STK24: variants seen among roughly 807,000 people sequenced by gnomAD.
The protein encoded by STK24 is serine/threonine-protein kinase 24.
In STK24, 21 loss-of-function variants were observed where a neutral mutation model predicts 55.6. The ratio of observed to expected loss-of-function variants is 0.38; its 90% CI spans 0.27 to 0.54. The LOEUF is 0.54. Ranked by LOEUF, STK24 falls within the 20% of genes least tolerant of loss-of-function variation. STK24 has a pLI of 0.79. For missense variants in STK24, 383 were observed against 538.4 expected, an observed-to-expected ratio of 0.71 and a Z score of 2.86; for synonymous variants, 200 against 215.2, an observed-to-expected ratio of 0.93 and a Z score of 0.62.
rs531432060 is a variant in STK24 at position 98,448,275 on chromosome 13, G to T, written c.*4898C>A. ...TCCGCAGTGCCACCAGCTCTGCCTC[G>T]CGACCCCACGTGTTGAGTCACAAAG... On this transcript the variant is annotated 3_prime_UTR_variant, in exon 11 of 11. Transcript: ENST00000539966. 2.5e-6 allele frequency: 4 copies of T among 1,614,112 alleles called. No homozygotes were observed. The African/African-American group carries it at 5.3e-5, about 22-fold the overall frequency.
intron 1 of STK24, among the ~76,000 whole-genome samples, chr13:98,527,077 CTTTTGG>C (rs1896450762): frequency 6.6e-6 from 1 of 152,162 alleles, no homozygotes; most frequent in Non-Finnish European, 1.5e-5. Context: ...CATCGGCATC[CTTTTGG>C]AGTTTATTTC....
rs1400122531 is a variant in STK24, at chr13:98,466,383, G to A, written c.776C>T (p.Pro259Leu). 10 of 1,611,972 alleles carry A rather than the reference G, an allele frequency of 6.2e-6. No individual in the cohort carries two copies. Among genetic ancestry groups the A allele is most frequent in the Non-Finnish European group, 8.5e-6 (10 of 1,179,960 alleles). ...EFVEACLNKE[P>L]SFRPTAKELL... is the part of the protein sequence containing the mutation. Reference sequence around the variant, plus strand: ...GATCCCTGGGAAACTTACAAAGCTCGGCTCCTTATTCAAACAGGCCTCCAC... The same window carrying A: ...GATCCCTGGGAAACTTACAAAGCTCAGCTCCTTATTCAAACAGGCCTCCAC... Residue 259 changes from proline to leucine, a missense_variant, in exon 6 of 11, where the codon CCG becomes CTG. Physicochemically the swap from Pro to Leu is moderately conservative, Grantham distance 98. Coordinates refer to ENST00000539966, the MANE Select transcript of STK24 (RefSeq NM_001032296.4).
intron 9 of STK24, among the ~76,000 whole-genome samples, chr13:98,457,750 G>A (rs1302062097): frequency 1.3e-5 from 2 of 152,160 alleles, no homozygotes; most frequent in African/African-American, 4.8e-5. Flanking sequence ...GATTACAGGC[G>A]TGAGCCACTG....
chr13:98,478,347 A>G (rs1894462081), intron 3 of STK24, among the ~76,000 whole-genome samples: 1 of 152,264 alleles, frequency 6.6e-6, no homozygotes, highest in South Asian at 2.1e-4. Flanking sequence ...CCACAACAAG[A>G]AACCACATTT....
At chr13:98,516,915 G>A (rs975498547) in intron 2 of STK24, among the ~76,000 whole-genome samples, 23 of 152,176 alleles carry the variant, frequency 1.5e-4, no homozygotes, top group African/African-American at 5.6e-4. Context: ...GAAACCTAAC[G>A]TTCTAGCATT....
chr13:98,521,839 G>T, intron 1 of STK24: 1 of 791,080 alleles, frequency 1.3e-6, no homozygotes, highest in Non-Finnish European at 2.3e-6. Context: ...CCAAAGCTGG[G>T]CTCTGGAGTC....
chr13:98,461,051 A>AC, intron 8 of STK24, among the ~76,000 whole-genome samples: 1 of 130,816 alleles, frequency 7.6e-6, no homozygotes. Context: ...CTCAAAAAAA[A>AC]AAAAGAGAGA....
In STK24 at chr13:98,529,116, AC is replaced by A. The variant is rs1301769642; in HGVS notation, c.43-9644del. Among the ~76,000 whole-genome samples, 5 of 151,868 alleles carry A rather than the reference AC, an allele frequency of 3.3e-5. No homozygotes were observed. In the East Asian group the frequency reaches 9.7e-4, roughly 30 times the overall value. On this transcript the variant is annotated intron_variant, in intron 1 of 10. Transcript: ENST00000539966. ...GCCTGTCTGGCGCTACCACCCACAG[AC>A]CCATGCTGGTGGCTACCATTCCAGC...
chr13:98,576,233 C>T, intron 1 of STK24: 2 of 985,646 alleles, frequency 2.0e-6, no homozygotes, highest in Non-Finnish European at 1.2e-6. Context: ...GCCTACTCCG[C>T]TCGGGCCCGG....
intron 2 of STK24, among the ~76,000 whole-genome samples, chr13:98,491,422 A>C (rs1478876410): frequency 6.6e-6 from 1 of 152,232 alleles, no homozygotes; most frequent in Non-Finnish European, 1.5e-5. Context: ...TGCTGGCAAC[A>C]AACGTTCACT....
intron 2 of STK24, among the ~76,000 whole-genome samples, chr13:98,500,622 C>CA (rs1895417688): frequency 6.8e-6 from 1 of 147,604 alleles, no homozygotes; most frequent in Non-Finnish European, 1.5e-5. Context: ...TTCCCACCCC[C>CA]ACCCCCCACC....
At chr13:98,566,403 C>T (rs371370162) in intron 1 of STK24, among the ~76,000 whole-genome samples, 31 of 152,240 alleles carry the variant, frequency 2.0e-4, no homozygotes, top group African/African-American at 7.2e-4. Context: ...AGCAGGCAGT[C>T]GGGAGGAAGG....
intron 1 of STK24, among the ~76,000 whole-genome samples, chr13:98,555,503 C>A (rs9513446): frequency 0.18 from 27,462 of 150,838 alleles, 2,570 homozygotes; most frequent in South Asian, 0.25. Flanking sequence ...GGCATGAACC[C>A]GGGAGGCGGA....
At chr13:98,469,543 C>CCCG (rs1279668415) in intron 5 of STK24, among the ~76,000 whole-genome samples, 3 of 136,242 alleles carry the variant, frequency 2.2e-5, no homozygotes, top group African/African-American at 7.8e-5. Context: ...ATCCCCCCCC[C>CCCG]CAAAAAAAAA....
At chr13:98,551,613 C>T (rs899843368) in intron 1 of STK24, among the ~76,000 whole-genome samples, 1 of 152,092 alleles carries the variant, frequency 6.6e-6, no homozygotes, top group Non-Finnish European at 1.5e-5. Flanking sequence ...GACCCACCTG[C>T]CTGGAATGCC....
At chr13:98,486,079 A>G (rs1420743346) in intron 2 of STK24, among the ~76,000 whole-genome samples, 1 of 152,120 alleles carries the variant, frequency 6.6e-6, no homozygotes, top group Non-Finnish European at 1.5e-5. Context: ...TAGGGGAGGG[A>G]CAGCATTAGG....
At chr13:98,490,630 C>T (rs1051341731) in intron 2 of STK24, among the ~76,000 whole-genome samples, 13 of 152,080 alleles carry the variant, frequency 8.5e-5, no homozygotes, top group Non-Finnish European at 2.9e-5. Flanking sequence ...GTAAAGGCGC[C>T]GGCCTTCCAT....
chr13:98,506,352 A>C (rs568882748), intron 2 of STK24, among the ~76,000 whole-genome samples: 21 of 152,352 alleles, frequency 1.4e-4, no homozygotes, highest in Non-Finnish European at 2.9e-4. Context: ...ATTCCTAATA[A>C]CTGGAACGGC....
chr13:98,524,358 C>T (rs1341317592), intron 1 of STK24, among the ~76,000 whole-genome samples: 2 of 152,132 alleles, frequency 1.3e-5, no homozygotes, highest in African/African-American at 2.4e-5. Flanking sequence ...CCGCAGTGTT[C>T]GCTCTGCCTC....
Sources: gnomAD v4.1 joint callset for allele counts (sites outside exome capture counted in the v4.1 genomes callset) on GRCh38, gnomAD v4.1.1 for gene constraint, MANE v1.5 for transcripts, NCBI Gene and HGNC (gene_info 2026-07-23, HGNC 2026-07-21) for gene names.